Variants in HYDIN observed in about 807,000 individuals in gnomAD.
HYDIN encodes the protein HYDIN axonemal central pair apparatus protein, also known as axonemal central pair apparatus protein HYDIN.
A neutral mutation model predicts 403.9 loss-of-function variants in HYDIN; 132 were observed. That is an observed-to-expected ratio of 0.33 (90% CI 0.28 to 0.38). The LOEUF (loss-of-function observed/expected upper bound fraction) is 0.38. HYDIN is among the 10% of genes least tolerant of loss of function. The probability of loss-of-function intolerance (pLI) is 1.00; values close to 1 mark genes in which losing one functional copy is unlikely to be tolerated. For missense variants in HYDIN, 2,827 were observed against 5,009.5 expected (o/e 0.56, Z 13.15); for synonymous variants, 1,202 against 1,891.7 (o/e 0.64, Z 9.46).
intron 10 of HYDIN, among the ~76,000 whole-genome samples, chr16:71,100,230 G>A (rs1005187969): frequency 4.6e-5 from 7 of 152,108 alleles, no homozygotes; most frequent in African/African-American, 1.2e-4. Flanking sequence ...CATTAACAAG[G>A]ATTTAAATAA....
intron 3 of HYDIN, among the ~76,000 whole-genome samples, chr16:71,184,133 A>C (rs1342019331): frequency 6.6e-6 from 1 of 152,146 alleles, no homozygotes; most frequent in East Asian, 1.9e-4. Flanking sequence ...CAGTAACAGC[A>C]GACAAGCCTC....
rs1364409319 is a variant in HYDIN, at chr16:70,864,349, A to C, written c.11472-1167T>G. ...CCGGCTCAAAAAAAAAAAAAAAAAA[A>C]AAAAAAAAAAAAAAAAAAAAAAAAA... is the stretch of plus-strand genomic sequence containing the variant. On this transcript the variant is annotated intron_variant, in intron 67 of 85. Coordinates refer to ENST00000393567, the MANE Select transcript of HYDIN (RefSeq NM_001270974.2). 1.7e-3 allele frequency among the ~76,000 whole-genome samples: 86 copies of C among 50,802 alleles called. 5 individuals are homozygous for C. Among genetic ancestry groups the C allele is most frequent in the Middle Eastern group, 9.4e-3 (1 of 106 alleles). The allele number at this position is 50,802 out of a possible 152,430, so 33.3% of individuals were successfully genotyped here. A position where few individuals can be genotyped will look rare whatever the true frequency, so the allele number is the denominator to read the frequency against.
intron 17 of HYDIN, among the ~76,000 whole-genome samples, chr16:71,061,652 T>C (rs552752696): frequency 2.6e-5 from 4 of 152,068 alleles, no homozygotes; most frequent in East Asian, 1.9e-4. Flanking sequence ...CAAGTTAATA[T>C]ACAAGAAAAG....
rs1504894 is a variant in HYDIN at position 70,960,424 on chromosome 16, G to T, written c.5969-604C>A. Among the ~76,000 whole-genome samples, 14 of 93,516 alleles carry T rather than the reference G, an allele frequency of 1.5e-4. 1 individual carries two copies. The East Asian group carries it at 3.4e-3, about 22-fold the overall frequency. 61.4% of individuals were successfully genotyped at this position (93,516 alleles called of 152,430 possible). Reference sequence around the variant, plus strand: ...GCCTTCAAAGCCCCAAATATTTACTGTCTGGCCTTTTATGGGAAAAGTTTG... The same window carrying T: ...GCCTTCAAAGCCCCAAATATTTACTTTCTGGCCTTTTATGGGAAAAGTTTG... On this transcript the variant is annotated intron_variant, in intron 38 of 85. Transcript: ENST00000393567.
chr16:71,190,346 T>TTA (rs71153613), intron 1 of HYDIN, among the ~76,000 whole-genome samples: 8 of 147,896 alleles, frequency 5.4e-5, no homozygotes, highest in African/African-American at 2.0e-4. Flanking sequence ...AATTTGAGCA[T>TTA]AAAAAAAAAA....
intron 10 of HYDIN, among the ~76,000 whole-genome samples, chr16:71,094,217 C>T (rs1568143299): frequency 6.6e-6 from 1 of 151,760 alleles, no homozygotes; most frequent in African/African-American, 2.4e-5. Flanking sequence ...TATTTATTTA[C>T]ATTTTAAAGA....
intron 36 of HYDIN, among the ~76,000 whole-genome samples, chr16:70,970,244 T>A (rs1414424936): frequency 6.6e-5 from 5 of 76,056 alleles, no homozygotes; most frequent in Admixed American, 1.6e-4. Flanking sequence ...GCATATTTTT[T>A]AAAATGACCC....
chr16:70,835,497 C>T (rs1006881425), intron 78 of HYDIN, among the ~76,000 whole-genome samples, 179 bp downstream of exon 78: 2 of 152,146 alleles, frequency 1.3e-5, no homozygotes, highest in Non-Finnish European at 2.9e-5. Context: ...GACTAGTGCA[C>T]CCTGTAAAGC....
At chr16:70,808,500 G>A (rs2035246889) in intron 85 of HYDIN, among the ~76,000 whole-genome samples, 1 of 152,056 alleles carries the variant, frequency 6.6e-6, no homozygotes, top group Admixed American at 6.6e-5. Flanking sequence ...TCCTGTCAGG[G>A]TCCTTTCACC....
At chr16:71,051,967 G>C (rs2081666403) in intron 18 of HYDIN, among the ~76,000 whole-genome samples, 2 of 152,236 alleles carry the variant, frequency 1.3e-5, no homozygotes, top group African/African-American at 4.8e-5. Context: ...AGGAACTTAG[G>C]AGAGATGACA....
At chr16:70,923,863 C>A (rs1337517284) in intron 45 of HYDIN, among the ~76,000 whole-genome samples, 1 of 139,614 alleles carries the variant, frequency 7.2e-6, no homozygotes, top group African/African-American at 2.6e-5. Flanking sequence ...AAACAGAAAA[C>A]ATAAAATGAA....
chr16:71,056,138 T>G (rs904393378), intron 18 of HYDIN, among the ~76,000 whole-genome samples: 15 of 150,202 alleles, frequency 1.0e-4, no homozygotes, highest in Non-Finnish European at 1.5e-4. Context: ...TTTTTTTTTT[T>G]TTTTTTTTTT....
intron 58 of HYDIN, among the ~76,000 whole-genome samples, chr16:70,887,876 G>C (rs1271698801): frequency 2.6e-5 from 4 of 151,698 alleles, no homozygotes; most frequent in African/African-American, 9.7e-5. Context: ...GTAGAGACAG[G>C]GTTTCACTGT....
chr16:70,871,135 A>G (rs1225005524), intron 65 of HYDIN, among the ~76,000 whole-genome samples: 1 of 151,936 alleles, frequency 6.6e-6, no homozygotes, highest in Non-Finnish European at 1.5e-5. Flanking sequence ...CACTCAATTT[A>G]CAAATAAAGT....
At chr16:71,089,110 T>C (rs1275468698) in intron 11 of HYDIN, among the ~76,000 whole-genome samples, 2 of 147,772 alleles carry the variant, frequency 1.4e-5, no homozygotes, top group Non-Finnish European at 3.0e-5. Flanking sequence ...TTGAGATTCT[T>C]ATGCAAGCAA....
chr16:71,032,621 C>T (rs1376483261), intron 18 of HYDIN, among the ~76,000 whole-genome samples: 2 of 124,256 alleles, frequency 1.6e-5, no homozygotes, highest in African/African-American at 2.9e-5. Context: ...CTAGGCTATA[C>T]GGTATAACCT....
intron 67 of HYDIN, among the ~76,000 whole-genome samples, chr16:70,864,498 C>T (rs112914226): frequency 1.3e-4 from 14 of 111,536 alleles, no homozygotes; most frequent in Non-Finnish European, 1.4e-4. Context: ...TAAATCCACA[C>T]GCCCTTCCTG....
At chr16:71,021,663 G>A (rs2080500532) in intron 21 of HYDIN, among the ~76,000 whole-genome samples, 1 of 152,144 alleles carries the variant, frequency 6.6e-6, no homozygotes, top group Admixed American at 6.5e-5. Flanking sequence ...TCATCAGGGG[G>A]TGACCAGGAG....
intron 9 of HYDIN, among the ~76,000 whole-genome samples, chr16:71,128,184 C>T (rs2084549648): frequency 6.6e-6 from 1 of 152,202 alleles, no homozygotes; most frequent in African/African-American, 2.4e-5. Flanking sequence ...ACTAGAATAC[C>T]TTACTGTCTT....
Sources: gnomAD v4.1 joint callset for allele counts (sites outside exome capture counted in the v4.1 genomes callset) on GRCh38, gnomAD v4.1.1 for gene constraint, MANE v1.5 for transcripts, NCBI Gene and HGNC (gene_info 2026-07-23, HGNC 2026-07-21) for gene names.